VWA8: variants seen among roughly 807,000 people sequenced by gnomAD.
VWA8 encodes the protein von Willebrand factor A domain-containing protein 8.
Under a neutral mutation model 241.5 loss-of-function variants are expected in VWA8, and 221 were observed. The observed-to-expected ratio is 0.91, with a 90% CI of 0.82 to 1.02. The LOEUF is 1.02. VWA8 is among the 50% of genes least tolerant of loss of function. The probability of loss-of-function intolerance (pLI) is 0.00; values close to 1 mark genes in which losing one functional copy is unlikely to be tolerated. For synonymous variants in VWA8, 852 were observed against 827.1 expected (o/e 1.03, Z -0.52); for missense variants, 2,322 against 2,328.7 (o/e 1.00, Z 0.06).
At chr13:41,721,272 G>T in intron 25 of VWA8, 98 bp downstream of exon 25, 4 of 1,200,718 alleles carry the variant, frequency 3.3e-6, no homozygotes, top group Non-Finnish European at 4.7e-6. Context: ...ACTCATTATT[G>T]TATTTATGGA....
intron 40 of VWA8, among the ~76,000 whole-genome samples, chr13:41,593,921 A>G (rs527259700): frequency 9.2e-5 from 14 of 152,270 alleles, no homozygotes; most frequent in African/African-American, 2.9e-4. Flanking sequence ...ATGAAATTGT[A>G]TATAACATGT....
chr13:41,570,335 C>T (rs1419780023), intron 44 of VWA8, 133 bp downstream of exon 44: 14 of 723,832 alleles, frequency 1.9e-5, no homozygotes, highest in Non-Finnish European at 3.2e-5. Context: ...CCCCTTGAGG[C>T]TAGTAACTTT....
At chr13:41,642,580 A>T (rs575762609) in intron 37 of VWA8, among the ~76,000 whole-genome samples, 1 of 150,424 alleles carries the variant, frequency 6.6e-6, no homozygotes, top group African/African-American at 2.4e-5. Flanking sequence ...AAAAAAAAAG[A>T]AAAAAAGAAA....
chr13:41,838,842 C>T (rs1871861020), intron 12 of VWA8, among the ~76,000 whole-genome samples: 1 of 152,280 alleles, frequency 6.6e-6, no homozygotes, highest in South Asian at 2.1e-4. Context: ...TTTCTTATGG[C>T]TGCAGAGTAT....
intron 34 of VWA8, 59 bp downstream of exon 34, chr13:41,689,295 T>A: frequency 6.5e-7 from 1 of 1,542,210 alleles, no homozygotes; most frequent in Non-Finnish European, 8.7e-7. Flanking sequence ...GCTTACAGAT[T>A]ATAGGTCAAA....
At chr13:41,873,148 T>C (rs1423280514) in intron 9 of VWA8, among the ~76,000 whole-genome samples, 2 of 151,696 alleles carry the variant, frequency 1.3e-5, no homozygotes, top group South Asian at 2.1e-4. Context: ...AACAAAGACA[T>C]AACATACCAG....
Position 41,690,193 on chromosome 13 carries a change from G to A in VWA8, c.3949C>T (p.Pro1317Ser), listed in dbSNP as rs2045166254. The A allele has an allele frequency of 6.2e-7, 1 of 1,612,622 alleles. No individual in the cohort carries two copies. The highest frequency in any genetic ancestry group is 8.5e-7 in the Non-Finnish European group (1 of 1,179,040). Residue 1317 changes from proline (P) to serine (S), a missense_variant, in exon 33 of 45, where the codon CCC (proline) becomes TCC (serine). Pro to Ser is a moderately conservative substitution (Grantham distance 74). Coordinates refer to ENST00000379310, the MANE Select transcript of VWA8 (RefSeq NM_015058.2). The stretch of plus-strand genomic sequence containing the variant: ...TGTGTAACTCCAAACCCTGTGCTGG[G>A]CGGCTCCTCTTTCAGCACATACAAC... ...CQLYVLKEEP[P>S]STGFGVTQET...
At chr13:41,879,114 G>A (rs1176763001) in intron 9 of VWA8, among the ~76,000 whole-genome samples, 2 of 152,128 alleles carry the variant, frequency 1.3e-5, no homozygotes, top group East Asian at 1.9e-4. Context: ...TAAACACTAG[G>A]TACTCTACTT....
intron 40 of VWA8, among the ~76,000 whole-genome samples, chr13:41,597,754 A>T (rs896356411): frequency 2.0e-5 from 3 of 152,216 alleles, no homozygotes; most frequent in Admixed American, 6.5e-5. Context: ...TCAACCCTGG[A>T]TTCCACCCTA....
intron 21 of VWA8, among the ~76,000 whole-genome samples, chr13:41,743,846 G>A (rs2045585311): frequency 1.3e-5 from 2 of 152,092 alleles, no homozygotes; most frequent in Admixed American, 1.3e-4. Context: ...ACAGTACTAT[G>A]GACATAAGAG....
chr13:41,942,918 A>C (rs1877668690), intron 2 of VWA8, among the ~76,000 whole-genome samples: 1 of 152,168 alleles, frequency 6.6e-6, no homozygotes, highest in African/African-American at 2.4e-5. Flanking sequence ...GGGCAGTACA[A>C]CAAGACAAGA....
intron 24 of VWA8, among the ~76,000 whole-genome samples, chr13:41,723,408 G>C (rs2045408034): frequency 6.6e-6 from 1 of 152,154 alleles, no homozygotes; most frequent in Admixed American, 6.5e-5. Context: ...GCCTTCTGTG[G>C]CAGGCTAACT....
chr13:41,864,057 G>C (rs978563151), intron 12 of VWA8, among the ~76,000 whole-genome samples: 1 of 150,014 alleles, frequency 6.7e-6, no homozygotes, highest in Admixed American at 6.7e-5. Context: ...ACATGAAAAA[G>C]ATGCTTAGCA....
At chr13:41,606,190 C>G (rs145641820) in intron 39 of VWA8, among the ~76,000 whole-genome samples, 1 of 152,250 alleles carries the variant, frequency 6.6e-6, no homozygotes, top group African/African-American at 2.4e-5. Flanking sequence ...TATCTGCCTC[C>G]TGTCTCCCCA....
intron 34 of VWA8, among the ~76,000 whole-genome samples, chr13:41,688,197 G>A (rs1361887247): frequency 2.6e-5 from 4 of 152,046 alleles, no homozygotes; most frequent in Admixed American, 1.3e-4. Context: ...AGAGTCCTAA[G>A]CCACATTATC....
At chr13:41,575,865 T>C (rs770016802) in intron 42 of VWA8, 27 bp from the exon 43 acceptor site, 17 of 1,536,010 alleles carry the variant, frequency 1.1e-5, no homozygotes, top group Non-Finnish European at 7.1e-6. Context: ...CAGAAAGTTA[T>C]AAACTTTTCT....
At chr13:41,744,508 T>A (rs1347275990) in intron 21 of VWA8, among the ~76,000 whole-genome samples, 2 of 152,178 alleles carry the variant, frequency 1.3e-5, no homozygotes, top group Non-Finnish European at 2.9e-5. Flanking sequence ...CCTCATCCCA[T>A]CCCTTTCTGC....
intron 13 of VWA8, among the ~76,000 whole-genome samples, chr13:41,831,660 C>A (rs988774778): frequency 1.3e-4 from 18 of 142,868 alleles, no homozygotes; most frequent in Non-Finnish European, 2.3e-4. Flanking sequence ...CCTCTCGTCA[C>A]CCAGGCTGCA....
intron 12 of VWA8, among the ~76,000 whole-genome samples, chr13:41,844,334 C>T (rs544323277): frequency 6.6e-6 from 1 of 152,134 alleles, no homozygotes; most frequent in Middle Eastern, 3.4e-3. Context: ...AAGGAACATA[C>T]ATCAAAATAA....
Sources: gnomAD v4.1 joint callset for allele counts (sites outside exome capture counted in the v4.1 genomes callset) on GRCh38, gnomAD v4.1.1 for gene constraint, MANE v1.5 for transcripts, NCBI Gene and HGNC (gene_info 2026-07-23, HGNC 2026-07-21) for gene names.